Variants in ZNF506 observed in about 807,000 individuals in gnomAD.
The protein encoded by ZNF506 is zinc finger protein 506.
Under a neutral mutation model 11.6 loss-of-function variants are expected in ZNF506, and 10 were observed. That is an observed-to-expected ratio of 0.86 (90% CI 0.53 to 1.46). The LOEUF is 1.46. Among genes scored for constraint, ZNF506 ranks in the 40% most tolerant of loss-of-function variants. The pLI is 0.00. For missense variants in ZNF506, 425 were observed against 521.2 expected (o/e 0.82, Z 1.80); for synonymous variants, 156 against 173.3 (o/e 0.90, Z 0.78).
intron 2 of ZNF506, 49 bp downstream of exon 2, chr19:19,806,890 AAAT>A (rs1289956187): frequency 1.3e-6 from 2 of 1,568,766 alleles, no homozygotes; most frequent in East Asian, 4.6e-5. Flanking sequence ...CAAAAAAGAG[AAAT>A]AAAACCTTTA....
intron 1 of ZNF506, among the ~76,000 whole-genome samples, chr19:19,807,355 T>C (rs2062843618): frequency 6.6e-6 from 1 of 152,208 alleles, no homozygotes; most frequent in South Asian, 2.1e-4. Context: ...GAGTGGTATA[T>C]TTACATCATA....
intron 3 of ZNF506, among the ~76,000 whole-genome samples, chr19:19,805,350 T>C (rs948319829): frequency 7.7e-4 from 117 of 152,214 alleles, no homozygotes; most frequent in African/African-American, 2.7e-3. Context: ...TGTCTATGGA[T>C]TGAAAGATTA....
intron 1 of ZNF506, among the ~76,000 whole-genome samples, chr19:19,821,273 A>T (rs1215210815): frequency 6.6e-6 from 1 of 151,866 alleles, no homozygotes; most frequent in African/African-American, 2.4e-5. Context: ...ATGAACCCGC[A>T]CCCCGAGTCA....
At position 19,821,741 on chromosome 19, in the gene ZNF506, G is replaced by C; in HGVS notation, c.-138C>G. On this transcript the variant is annotated 5_prime_UTR_variant, in exon 1 of 4. Transcript: ENST00000540806. ...CGATAGCTGGATCTCTGGCGTCAGC[G>C]AGAGACAATGGGCCCGCCAAAGCCG... The C allele has an allele frequency of 1.8e-6, 2 of 1,132,210 alleles. No homozygotes were observed. Among genetic ancestry groups the C allele is most frequent in the Non-Finnish European group, 2.6e-6 (2 of 758,420 alleles). The allele number at this position is 1,132,210 out of a possible 1,614,324, so 70.1% of individuals were successfully genotyped here.
At chr19:19,814,856 A>T (rs2062916818) in intron 1 of ZNF506, among the ~76,000 whole-genome samples, 1 of 152,134 alleles carries the variant, frequency 6.6e-6, no homozygotes, top group Non-Finnish European at 1.5e-5. Context: ...AAATGCTAGG[A>T]TGGTGGAGAA....
intron 1 of ZNF506, 91 bp from the exon 2 acceptor site, chr19:19,807,159 T>C (rs2062842150): frequency 1.3e-5 from 20 of 1,583,626 alleles, no homozygotes; most frequent in Non-Finnish European, 1.6e-5. Flanking sequence ...TAAAGAGAAG[T>C]GGTTCTGACT....
chr19:19,816,884 G>A (rs10404296), intron 1 of ZNF506, among the ~76,000 whole-genome samples: 69,752 of 142,000 alleles, frequency 0.49, 17,927 homozygotes, highest in East Asian at 0.71. Flanking sequence ...CAACGGCGCC[G>A]TCTTGGCTCA....
chr19:19,816,758 G>T (rs952611866), intron 1 of ZNF506, among the ~76,000 whole-genome samples: 2 of 150,830 alleles, frequency 1.3e-5, no homozygotes, highest in Non-Finnish European at 2.9e-5. Context: ...CACAGGCTGA[G>T]TGCTGGGATT....
At position 19,821,724 on chromosome 19, in the gene ZNF506, G is replaced by A. The variant is rs1190586141; in HGVS notation, c.-121C>T. On this transcript the variant is annotated 5_prime_UTR_variant, in exon 1 of 4. Coordinates refer to ENST00000540806, the MANE Select transcript of ZNF506 (RefSeq NM_001099269.3). The stretch of plus-strand genomic sequence containing the variant: ...GCACAGAGCAGTGAAGACGATAGCT[G>A]GATCTCTGGCGTCAGCGAGAGACAA... 4.5e-6 allele frequency: 6 copies of A among 1,321,202 alleles called. No individual in the cohort carries two copies. Among genetic ancestry groups the A allele is most frequent in the African/African-American group, 2.9e-5 (2 of 68,900 alleles). 81.8% of individuals were successfully genotyped at this position (1,321,202 alleles called of 1,614,324 possible). A position where few individuals can be genotyped will look rare whatever the true frequency, so the allele number is the denominator to read the frequency against.
At chr19:19,801,056 A>G (rs888725441) in intron 3 of ZNF506, among the ~76,000 whole-genome samples, 92 of 152,034 alleles carry the variant, frequency 6.1e-4, no homozygotes, top group Admixed American at 1.5e-3. Flanking sequence ...GCTACTCAGG[A>G]GGGTGAGGCA....
At chr19:19,815,129 G>A (rs548456177) in intron 1 of ZNF506, among the ~76,000 whole-genome samples, 13 of 152,126 alleles carry the variant, frequency 8.5e-5, no homozygotes, top group African/African-American at 2.9e-4. Context: ...GCGTGGTGGC[G>A]GGCACCTGTA....
Position 19,792,776 on chromosome 19 carries a change from T to C in ZNF506, c.*1776A>G, listed in dbSNP as rs1436950249. ...ATTTTTGAAAAAAAAAGTTTTAAAA[T>C]GGTCTGCCAACATGTTAATGTAGGT... On this transcript the variant is annotated 3_prime_UTR_variant, in exon 4 of 4. Coordinates refer to ENST00000540806, the MANE Select transcript of ZNF506 (RefSeq NM_001099269.3). Among the ~76,000 whole-genome samples the C allele has an allele frequency of 6.6e-6, 1 of 151,092 alleles. No individual in the cohort carries two copies. Among genetic ancestry groups the C allele is most frequent in the Admixed American group, 6.6e-5 (1 of 15,162 alleles).
intron 1 of ZNF506, among the ~76,000 whole-genome samples, chr19:19,821,398 G>C (rs555613599): frequency 6.6e-6 from 1 of 152,304 alleles, no homozygotes; most frequent in Non-Finnish European, 1.5e-5. Context: ...GCAGGGAAAA[G>C]ACAGGACACC....
intron 1 of ZNF506, among the ~76,000 whole-genome samples, chr19:19,811,527 G>C (rs1212994618): frequency 1.3e-5 from 2 of 152,266 alleles, no homozygotes; most frequent in Non-Finnish European, 2.9e-5. Context: ...TATACTGCTG[G>C]GTGTAGTGTC....
At chr19:19,810,544 G>A (rs979328214) in intron 1 of ZNF506, among the ~76,000 whole-genome samples, 5 of 151,694 alleles carry the variant, frequency 3.3e-5, no homozygotes, top group Admixed American at 2.6e-4. Context: ...TCTATTTATC[G>A]GTCATCAAAA....
At chr19:19,808,260 A>G (rs1445864396) in intron 1 of ZNF506, among the ~76,000 whole-genome samples, 1 of 150,876 alleles carries the variant, frequency 6.6e-6, no homozygotes, top group Non-Finnish European at 1.5e-5. Context: ...AGTAGCTGGG[A>G]CTACAGGCAC....
At chr19:19,798,762 G>T (rs1455738362) in intron 3 of ZNF506, 1 of 149,400 alleles carries the variant, frequency 6.7e-6, no homozygotes, top group African/African-American at 2.5e-5. Flanking sequence ...TTAAAAAGGA[G>T]AAATTAAGAC....
At chr19:19,805,967 T>C in intron 3 of ZNF506, 64 bp downstream of exon 3, 1 of 1,371,562 alleles carries the variant, frequency 7.3e-7, no homozygotes, top group South Asian at 1.3e-5. Context: ...AAGGACTCGC[T>C]TTCTCTTTGA....
intron 2 of ZNF506, chr19:19,806,419 A>T (rs1412198485): frequency 5.1e-6 from 1 of 196,836 alleles, no homozygotes; most frequent in Non-Finnish European, 1.0e-5. Flanking sequence ...ACCACGCCCG[A>T]CTAATTTTTG....
Sources: allele counts gnomAD v4.1 joint callset (sites outside exome capture counted in the v4.1 genomes callset), GRCh38; gene constraint gnomAD v4.1.1; transcripts MANE v1.5; gene names NCBI Gene and HGNC (gene_info 2026-07-23, HGNC 2026-07-21).